The following CEP78 variants were observed in gnomAD, a reference collection of about 807,000 sequenced individuals.
CEP78 encodes centrosomal protein of 78 kDa.
Under a neutral mutation model 81.2 loss-of-function variants are expected in CEP78, and 76 were observed. The observed-to-expected ratio is 0.94, with a 90% CI of 0.78 to 1.13. The LOEUF (loss-of-function observed/expected upper bound fraction) is 1.13, where lower values mean the gene tolerates loss of function less well. Ranked by LOEUF, CEP78 falls within the 50% of genes most tolerant of loss-of-function variation. The pLI is 0.00. For missense variants in CEP78, 918 were observed against 846.8 expected, an observed-to-expected ratio of 1.08 and a Z score of -1.04; for synonymous variants, 293 against 301.4, an observed-to-expected ratio of 0.97 and a Z score of 0.29.
At chr9:78,248,905 A>G (rs749367291) in intron 8 of CEP78, 32 bp downstream of exon 8, 3 of 1,083,340 alleles carry the variant, frequency 2.8e-6, no homozygotes, top group Non-Finnish European at 4.1e-6. Context: ...TTTTAATGCT[A>G]CTAGTGTTCT....
rs1827836118 is a variant in CEP78 at position 78,277,900 on chromosome 9, GCT to G, written c.*7054_*7055del. The G allele has an allele frequency of 1.3e-5, 2 of 152,180 alleles. No homozygotes were observed. The highest frequency in any genetic ancestry group is 1.3e-4 in the Admixed American group (2 of 15,278). The allele number at this position is 152,180 out of a possible 1,614,324, so 9.4% of individuals were successfully genotyped here. On this transcript the variant is annotated 3_prime_UTR_variant, in exon 17 of 17. Transcript: ENST00000643273. ...CACTCTGCAGCAGATAAAGACAATA[GCT>G]CTCTAGTGTGGACATGAAAATATTT...
rs1471298284 is a variant in CEP78 at position 78,257,604 on chromosome 9, GGAAA to G, written c.1380+2643_1380+2646del. On this transcript the variant is annotated intron_variant, in intron 11 of 16. Transcript: ENST00000643273. ...TAGGCACTGTTAGAATGAGGGAGGG[GGAAA>G]GAGAGAGGAGAAAAGAGGGAAGGAG... Among the ~76,000 whole-genome samples, 3 of 151,970 alleles carry G rather than the reference GGAAA, an allele frequency of 2.0e-5. No homozygotes were observed. The East Asian group carries it at 5.8e-4, about 29-fold the overall frequency.
At position 78,254,978 on chromosome 9, in the gene CEP78, A is replaced by T; in HGVS notation, c.1380+14A>T. The T allele has an allele frequency of 6.3e-7, 1 of 1,598,930 alleles. No individual in the cohort carries two copies. Among genetic ancestry groups the T allele is most frequent in the African/African-American group, 1.3e-5 (1 of 74,506 alleles). On this transcript the variant is annotated intron_variant, in intron 11 of 16. Coordinates refer to ENST00000643273, the MANE Select transcript of CEP78 (RefSeq NM_001330691.3). ...GAAGCATTACAGGTACAAAGCTATC[A>T]CTTTAAAGATATGGAGAAGATCATT...
rs112878960 is a variant in CEP78 at position 78,247,919 on chromosome 9, C to T, written c.893-372C>T. Among the ~76,000 whole-genome samples the T allele has an allele frequency of 5.3e-3, 806 of 152,296 alleles. 1 individual carries two copies. The highest frequency in any genetic ancestry group is 0.014 in the Middle Eastern group (4 of 294). On this transcript the variant is annotated intron_variant, in intron 6 of 16. Transcript: ENST00000643273. ...AAAAGGAGGCTGTGGAGAAGAGCAG[C>T]TTTGGGGGCGCATCATGACTTTGAT...
rs1202770457 is a variant in CEP78, at chr9:78,265,259, A to G, written c.1626-113A>G. Reference sequence around the variant, plus strand: ...TGGGGGTGTAGTCTGGAGTAGGATAATGGGTTTTAAGATTTTAGAAGTATT... The same window carrying G: ...TGGGGGTGTAGTCTGGAGTAGGATAGTGGGTTTTAAGATTTTAGAAGTATT... On this transcript the variant is annotated intron_variant, in intron 13 of 16. Coordinates refer to ENST00000643273, the MANE Select transcript of CEP78 (RefSeq NM_001330691.3). 6 of 844,406 alleles carry G rather than the reference A, an allele frequency of 7.1e-6. No individual in the cohort carries two copies. In the Admixed American group the frequency reaches 1.5e-4, roughly 22 times the overall value. 52.3% of individuals were successfully genotyped at this position (844,406 alleles called of 1,614,324 possible).
At chr9:78,239,736 C>G (rs1297955507) in intron 1 of CEP78, among the ~76,000 whole-genome samples, 1 of 152,212 alleles carries the variant, frequency 6.6e-6, no homozygotes, top group Non-Finnish European at 1.5e-5. Flanking sequence ...TCGCTGCTCC[C>G]TCTGGTTAAT....
intron 8 of CEP78, 142 bp downstream of exon 8, chr9:78,249,015 GATT>G (rs1826634721): frequency 2.7e-6 from 1 of 364,574 alleles, no homozygotes; most frequent in East Asian, 4.6e-5. Context: ...GTTCTGATAA[GATT>G]ATGAGAATTT....
intron 1 of CEP78, 72 bp downstream of exon 1, chr9:78,236,675 T>C: frequency 6.7e-7 from 1 of 1,490,888 alleles, no homozygotes; most frequent in East Asian, 2.4e-5. Context: ...TGGTGTCCAT[T>C]GTCGGGGTAT....
chr9:78,248,145 G>A (rs1587569904), intron 6 of CEP78, 146 bp from the exon 7 acceptor site: 1 of 638,330 alleles, frequency 1.6e-6, no homozygotes, highest in East Asian at 2.8e-5. Flanking sequence ...AATACTCAAA[G>A]GGGGAAAAGG....
At chr9:78,248,738 T>C (rs746862880) in intron 7 of CEP78, 24 bp from the exon 8 acceptor site, 6 of 1,168,534 alleles carry the variant, frequency 5.1e-6, no homozygotes, top group South Asian at 1.4e-5. Flanking sequence ...AACTGAAATA[T>C]AGTGTTTATT....
chr9:78,276,232 C>G lies in CEP78; in HGVS notation c.*5381C>G, dbSNP rs908414097. ...GCAAGATTGAGTGAAGAGTAACTCA[C>G]TGTAGCTCACTAAATTAACAGATTA... On this transcript the variant is annotated 3_prime_UTR_variant, in exon 17 of 17. Transcript: ENST00000643273. The G allele has an allele frequency of 1.3e-5, 2 of 152,198 alleles. No homozygotes were observed. The highest frequency in any genetic ancestry group is 4.8e-5 in the African/African-American group (2 of 41,448). The allele number at this position is 152,198 out of a possible 1,614,324, so 9.4% of individuals were successfully genotyped here.
chr9:78,253,621 G>A (rs986171744), intron 10 of CEP78: 2 of 199,198 alleles, frequency 1.0e-5, no homozygotes, highest in Admixed American at 5.3e-5. Flanking sequence ...TGTTCTTGGG[G>A]GATACATATT....
At chr9:78,241,098 G>C (rs941049717) in intron 3 of CEP78, among the ~76,000 whole-genome samples, 5 of 152,192 alleles carry the variant, frequency 3.3e-5, no homozygotes, top group African/African-American at 4.8e-5. Flanking sequence ...GACAGACTTG[G>C]GGGGAAAGGG....
chr9:78,246,787 G>A lies in CEP78; in HGVS notation c.892+5G>A. On this transcript the variant is annotated splice_donor_5th_base_variant and intron_variant, in intron 6 of 16. Transcript: ENST00000643273. ...TAAGAAAAAATCCACTCATTGGTAT[G>A]TCGCTACAATATTTTTTATTGACTA... The A allele has an allele frequency of 1.3e-6, 2 of 1,482,626 alleles. No homozygotes were observed. The highest frequency in any genetic ancestry group is 1.9e-6 in the Non-Finnish European group (2 of 1,079,812). The allele number at this position is 1,482,626 out of a possible 1,614,324, so 91.8% of individuals were successfully genotyped here.
rs767694351 is a variant in CEP78, at chr9:78,266,635, G to C, written c.2039G>C (p.Gly680Ala). The C allele has an allele frequency of 1.1e-5, 18 of 1,612,688 alleles. No individual in the cohort carries two copies. The East Asian group carries it at 3.8e-4, about 34-fold the overall frequency. ...SPSPDATSGT[G>A]SQRKEEELSR... ...TCACCAGATGCGACTTCTGGAACTG[G>C]AAGTCAAAGAAAAGAAGAGGAGTTG... Residue 680 changes from glycine to alanine, a missense_variant, in exon 16 of 17, where the codon GGA (glycine) becomes GCA (alanine). Physicochemically the swap from Gly to Ala is moderately conservative, Grantham distance 60. Transcript: ENST00000643273.
Position 78,243,573 on chromosome 9 carries a change from C to G in CEP78, c.715C>G (p.Leu239Val). The change falls in exon 5 of 17, where the codon CTT becomes GTT. Residue 239 changes from leucine to valine, a missense_variant. Transcript: ENST00000643273. ...ACGTATCACACTGAATTGCAACACA[C>G]TTATTGGTGACCTAGGTGCATGTGC... ...LRRITLNCNT[L>V]IGDLGACAFA... 6.2e-7 allele frequency: 1 copy of G among 1,613,846 alleles called. No individual in the cohort carries two copies. The highest frequency in any genetic ancestry group is 8.5e-7 in the Non-Finnish European group (1 of 1,179,836).
intron 5 of CEP78, among the ~76,000 whole-genome samples, chr9:78,246,404 C>T (rs949717911): frequency 2.6e-5 from 4 of 152,124 alleles, no homozygotes; most frequent in Admixed American, 1.3e-4. Context: ...TCCAGACCAT[C>T]CTGGCTAACA....
At chr9:78,266,920 G>A (rs1827568450) in intron 16 of CEP78, 5 of 1,425,888 alleles carry the variant, frequency 3.5e-6, no homozygotes, top group Non-Finnish European at 4.6e-6. Context: ...AGTAAATCCA[G>A]TCCACTAGAA....
rs1042726781 is a variant in CEP78 at position 78,240,092 on chromosome 9, T to G, written c.323T>G (p.Leu108Trp). ...AIRYKDVTFQLCKALKGCLSI... is the reference protein window; with the variant it reads ...AIRYKDVTFQWCKALKGCLSI... Reference sequence around the variant, plus strand: ...AGATACAAAGATGTGACCTTCCAGTTGTGTAAAGCTCTTAAAGGCTGTTTA... The same window carrying G: ...AGATACAAAGATGTGACCTTCCAGTGGTGTAAAGCTCTTAAAGGCTGTTTA... The change falls in exon 2 of 17, where the codon TTG (leucine) becomes TGG (tryptophan). Residue 108 changes from leucine (L) to tryptophan (W), a missense_variant. Transcript: ENST00000643273. The G allele has an allele frequency of 3.8e-6, 6 of 1,584,898 alleles. No individual in the cohort carries two copies. The highest frequency in any genetic ancestry group is 5.1e-6 in the Non-Finnish European group (6 of 1,173,390).
Sources: allele counts gnomAD v4.1 joint callset (sites outside exome capture counted in the v4.1 genomes callset), GRCh38; gene constraint gnomAD v4.1.1; transcripts MANE v1.5; gene names NCBI Gene and HGNC (gene_info 2026-07-23, HGNC 2026-07-21).